SLC25A26: variants seen among roughly 807,000 people sequenced by gnomAD.
SLC25A26 encodes solute carrier family 25 member 26, also known as mitochondrial S-adenosylmethionine carrier protein.
A neutral mutation model predicts 37.8 loss-of-function variants in SLC25A26; 36 were observed. That is an observed-to-expected ratio of 0.95 (90% confidence interval 0.73 to 1.26). SLC25A26 has a LOEUF of 1.26. SLC25A26 is among the 50% of genes most tolerant of loss of function. SLC25A26 has a pLI of 0.00. For missense variants in SLC25A26, 390 were observed against 331.1 expected, an observed-to-expected ratio of 1.18 and a Z score of -1.38; for synonymous variants, 129 against 122.5, an observed-to-expected ratio of 1.05 and a Z score of -0.35.
intron 1 of SLC25A26, among the ~76,000 whole-genome samples, chr3:66,156,033 T>A (rs1384162074): frequency 6.6e-6 from 1 of 152,022 alleles, no homozygotes; most frequent in Non-Finnish European, 1.5e-5. Context: ...TACAAGTAGA[T>A]GATGTTGGGG....
chr3:66,251,414 G>A (rs917508886), intron 3 of SLC25A26, among the ~76,000 whole-genome samples: 7 of 152,154 alleles, frequency 4.6e-5, no homozygotes, highest in Admixed American at 1.3e-4. Flanking sequence ...CCTTCAGTGC[G>A]TTTTTCATCA....
chr3:66,162,427 G>A (rs565425354), intron 1 of SLC25A26, among the ~76,000 whole-genome samples: 1 of 151,122 alleles, frequency 6.6e-6, no homozygotes, highest in Non-Finnish European at 1.5e-5. Context: ...TTCTAAGCTG[G>A]GGCATCGAAA....
At chr3:66,144,032 G>A (rs1026089295) in intron 1 of SLC25A26, among the ~76,000 whole-genome samples, 13 of 152,146 alleles carry the variant, frequency 8.5e-5, no homozygotes, top group African/African-American at 3.1e-4. Flanking sequence ...AATTTCAGAT[G>A]TTAATCACAC....
intron 3 of SLC25A26, among the ~76,000 whole-genome samples, chr3:66,252,681 G>A (rs550258955): frequency 1.3e-5 from 2 of 152,192 alleles, no homozygotes; most frequent in Admixed American, 6.5e-5. Context: ...TTTCACACAA[G>A]TTGCTGAATG....
intron 5 of SLC25A26, among the ~76,000 whole-genome samples, chr3:66,345,107 G>A (rs904944232): frequency 3.9e-5 from 6 of 152,156 alleles, no homozygotes; most frequent in South Asian, 2.1e-4. Flanking sequence ...ACAGCTCATC[G>A]TAAATACCTA....
Position 66,377,687 on chromosome 3 carries a change from T to C in SLC25A26, c.708-3T>C. On this transcript the variant is annotated splice_polypyrimidine_tract_variant and splice_region_variant and intron_variant, in intron 9 of 9. Transcript: ENST00000354883. ...ACATTAAAAATCCTGTTTTTTCCCCTAGATTATTTGCAGGTGTCTTCCCTC... is the reference window on the plus strand; with the variant it reads ...ACATTAAAAATCCTGTTTTTTCCCCCAGATTATTTGCAGGTGTCTTCCCTC... 1 of 1,610,710 alleles carries C rather than the reference T, an allele frequency of 6.2e-7. No individual in the cohort carries two copies.
At chr3:66,361,856 A>T (rs2076715546) in intron 6 of SLC25A26, among the ~76,000 whole-genome samples, 1 of 152,060 alleles carries the variant, frequency 6.6e-6, no homozygotes, top group Non-Finnish European at 1.5e-5. Context: ...AGTCGCAGCT[A>T]CTCAGGAGGC....
chr3:66,371,865 A>G (rs1317885682), intron 9 of SLC25A26, among the ~76,000 whole-genome samples: 7 of 152,088 alleles, frequency 4.6e-5, no homozygotes, highest in Non-Finnish European at 1.0e-4. Flanking sequence ...GGGAGGCTGA[A>G]GCAGGAGGGT....
intron 1 of SLC25A26, among the ~76,000 whole-genome samples, chr3:66,180,503 T>A (rs577991593): frequency 6.6e-6 from 1 of 152,340 alleles, no homozygotes; most frequent in South Asian, 2.1e-4. Flanking sequence ...GGGACAGATC[T>A]TTCCACTTCT....
intron 1 of SLC25A26, among the ~76,000 whole-genome samples, chr3:66,231,624 C>T (rs1405709889): frequency 1.3e-5 from 2 of 151,978 alleles, no homozygotes; most frequent in African/African-American, 4.8e-5. Flanking sequence ...TGTTTATGTT[C>T]CAGACTTCTA....
intron 5 of SLC25A26, among the ~76,000 whole-genome samples, chr3:66,317,189 G>A (rs541206077): frequency 9.9e-5 from 15 of 152,158 alleles, no homozygotes; most frequent in Non-Finnish European, 2.2e-4. Flanking sequence ...GAGGCCCTCT[G>A]ACTTTTTGAG....
At chr3:66,279,621 C>T (rs1025962210) in intron 5 of SLC25A26, among the ~76,000 whole-genome samples, 1 of 152,028 alleles carries the variant, frequency 6.6e-6, no homozygotes, top group African/African-American at 2.4e-5. Context: ...GATTCTTTGG[C>T]CTCAAATGTG....
chr3:66,269,115 C>T (rs1024004288), intron 5 of SLC25A26, among the ~76,000 whole-genome samples: 2 of 152,172 alleles, frequency 1.3e-5, no homozygotes, highest in Non-Finnish European at 2.9e-5. Context: ...CAGGTTTGCC[C>T]ATTTGTGCTA....
chr3:66,213,206 C>A (rs1376419046), intron 1 of SLC25A26, among the ~76,000 whole-genome samples: 2 of 151,946 alleles, frequency 1.3e-5, no homozygotes, highest in African/African-American at 4.8e-5. Context: ...TCAAGACCAG[C>A]TTGGCCAACG....
intron 3 of SLC25A26, among the ~76,000 whole-genome samples, chr3:66,245,977 A>G (rs988065794): frequency 2.4e-4 from 37 of 151,796 alleles, no homozygotes; most frequent in Admixed American, 8.5e-4. Context: ...TTTCACCCCA[A>G]CCCTCCCCAC....
intron 6 of SLC25A26, among the ~76,000 whole-genome samples, chr3:66,349,191 A>T (rs1167918199): frequency 1.3e-5 from 2 of 152,232 alleles, no homozygotes; most frequent in East Asian, 3.8e-4. Context: ...AGATTTAAAA[A>T]TTCTCTTTGA....
intron 5 of SLC25A26, among the ~76,000 whole-genome samples, chr3:66,300,256 G>GTTTTTTTTTTT (rs916553948): frequency 3.4e-5 from 4 of 116,662 alleles, no homozygotes; most frequent in Admixed American, 9.0e-5. Context: ...TTTTTGTTTT[G>GTTTTTTTTTTT]TTTTTTTTTT....
In SLC25A26 at chr3:66,366,478, A is replaced by G. The variant is rs1056809284; in HGVS notation, c.569-3000A>G. Among the ~76,000 whole-genome samples, 10 of 152,364 alleles carry G rather than the reference A, an allele frequency of 6.6e-5. No homozygotes were observed. The East Asian group carries it at 1.5e-3, about 23-fold the overall frequency. On this transcript the variant is annotated intron_variant, in intron 7 of 9. Transcript: ENST00000354883. ...ACAGGCAAATTGGTCTATTAGTAAC[A>G]CATAAAATACAACTTCTCTCATGGT...
intron 5 of SLC25A26, among the ~76,000 whole-genome samples, chr3:66,269,319 TTGAA>T (rs1455974694): frequency 6.6e-6 from 1 of 152,192 alleles, no homozygotes; most frequent in Non-Finnish European, 1.5e-5. Flanking sequence ...ATTGCTGTGT[TTGAA>T]TGAGAGGCCA....
Sources: gnomAD v4.1 joint callset for allele counts (sites outside exome capture counted in the v4.1 genomes callset) on GRCh38, gnomAD v4.1.1 for gene constraint, MANE v1.5 for transcripts, NCBI Gene and HGNC (gene_info 2026-07-23, HGNC 2026-07-21) for gene names.